MGAT5: variants seen among roughly 807,000 people sequenced by gnomAD.
The protein encoded by MGAT5 is alpha-1,6-mannosylglycoprotein 6-beta-N-acetylglucosaminyltransferase.
A neutral mutation model predicts 94.3 loss-of-function variants in MGAT5; 30 were observed. The observed-to-expected ratio is 0.32, with a 90% confidence interval of 0.24 to 0.43. MGAT5 has a LOEUF of 0.43. MGAT5 is among the 20% of genes least tolerant of loss of function. MGAT5 has a pLI of 1.00. For synonymous variants in MGAT5, 310 were observed against 322.9 expected, an observed-to-expected ratio of 0.96 and a Z score of 0.43; for missense variants, 691 against 905.5, an observed-to-expected ratio of 0.76 and a Z score of 3.04.
intron 8 of MGAT5, among the ~76,000 whole-genome samples, chr2:134,346,043 G>A (rs1432838139): frequency 6.6e-6 from 1 of 152,076 alleles, no homozygotes; most frequent in Admixed American, 6.6e-5. Context: ...AACTTGCTGC[G>A]GGCCAAGATA....
At chr2:134,393,102 A>G (rs1336576586) in intron 10 of MGAT5, among the ~76,000 whole-genome samples, 1 of 152,250 alleles carries the variant, frequency 6.6e-6, no homozygotes, top group Non-Finnish European at 1.5e-5. Context: ...CCCACGTGAG[A>G]TAATAGGGCA....
At chr2:134,169,296 T>C (rs775117306) in intron 1 of MGAT5, among the ~76,000 whole-genome samples, 1 of 151,960 alleles carries the variant, frequency 6.6e-6, no homozygotes, top group Non-Finnish European at 1.5e-5. Flanking sequence ...TCCCAGCACT[T>C]TGGGAGGCCG....
At position 134,451,004 on chromosome 2, in the gene MGAT5, G is replaced by C. The variant is rs1187182813; in HGVS notation, c.*2157G>C. 1 of 151,990 alleles carries C rather than the reference G, an allele frequency of 6.6e-6. No individual in the cohort carries two copies. Among genetic ancestry groups the C allele is most frequent in the Non-Finnish European group, 1.5e-5 (1 of 68,010 alleles). 9.4% of individuals were successfully genotyped at this position (151,990 alleles called of 1,614,324 possible). ...GACCTGCAATCCCTGGGCCAGTGCC[G>C]CCCTCTCCTGGGCTCTTCCAGGAGC... On this transcript the variant is annotated 3_prime_UTR_variant, in exon 16 of 16. Coordinates refer to ENST00000281923, the MANE Select transcript of MGAT5 (RefSeq NM_002410.5).
intron 1 of MGAT5, among the ~76,000 whole-genome samples, chr2:134,150,279 A>G (rs1687112882): frequency 6.6e-6 from 1 of 152,186 alleles, no homozygotes; most frequent in Non-Finnish European, 1.5e-5. Context: ...AGAAGGAGGA[A>G]TACTAAAAAG....
intron 13 of MGAT5, among the ~76,000 whole-genome samples, chr2:134,426,543 G>T (rs779085003): frequency 2.0e-5 from 3 of 152,114 alleles, no homozygotes; most frequent in Non-Finnish European, 2.9e-5. Flanking sequence ...AGATGACCAT[G>T]GATGTTTATT....
At position 134,236,579 on chromosome 2, in the gene MGAT5, G is replaced by A. The variant is rs560824060; in HGVS notation, c.-142-17683G>A. On this transcript the variant is annotated intron_variant, in intron 1 of 16. Transcript: ENST00000409645. ...GCTTGGCACTTCTTGCTGCCACCAT[G>A]TGAAGAAGGACATGTTTGCTTCCCC... is the stretch of plus-strand genomic sequence containing the variant. 7.9e-5 allele frequency among the ~76,000 whole-genome samples: 12 copies of A among 152,268 alleles called. No individual in the cohort carries two copies. In the South Asian group the frequency reaches 2.5e-3, roughly 32 times the overall value.
At chr2:134,385,461 A>G (rs1681914498) in intron 10 of MGAT5, among the ~76,000 whole-genome samples, 1 of 152,240 alleles carries the variant, frequency 6.6e-6, no homozygotes, top group African/African-American at 2.4e-5. Context: ...AGAAGGAAGA[A>G]TAAAAGTGTG....
chr2:134,437,033 G>A (rs1184971765), intron 14 of MGAT5, among the ~76,000 whole-genome samples: 2 of 152,238 alleles, frequency 1.3e-5, no homozygotes, highest in African/African-American at 4.8e-5. Flanking sequence ...CTGTCGCCCA[G>A]GCTGGAGAGC....
At chr2:134,444,032 C>T (rs961309263) in intron 15 of MGAT5, among the ~76,000 whole-genome samples, 1 of 152,192 alleles carries the variant, frequency 6.6e-6, no homozygotes, top group African/African-American at 2.4e-5. Context: ...ACCTCCAGGC[C>T]AGGGTCCAGG....
intron 1 of MGAT5, among the ~76,000 whole-genome samples, chr2:134,222,830 T>C (rs1680858031): frequency 6.6e-6 from 1 of 152,244 alleles, no homozygotes; most frequent in African/African-American, 2.4e-5. Context: ...TTCTTAAAAT[T>C]ATTAAGTAAA....
intron 13 of MGAT5, among the ~76,000 whole-genome samples, chr2:134,424,040 C>CA (rs1684444633): frequency 6.6e-6 from 1 of 152,208 alleles, no homozygotes; most frequent in Non-Finnish European, 1.5e-5. Context: ...AAGCAACATG[C>CA]AAACGCTCCA....
chr2:134,135,224 C>T (rs1188238811), intron 1 of MGAT5, among the ~76,000 whole-genome samples: 1 of 152,112 alleles, frequency 6.6e-6, no homozygotes, highest in African/African-American at 2.4e-5. Flanking sequence ...GGTAGGTTAT[C>T]TGAGCATTTG....
chr2:134,437,933 T>C (rs114343725), intron 14 of MGAT5, among the ~76,000 whole-genome samples: 3,205 of 150,178 alleles, frequency 0.021, 50 homozygotes, highest in Non-Finnish European at 0.035. Flanking sequence ...GAGAATCACA[T>C]GAACCTGGCA....
At chr2:134,270,173 G>A (rs868317386) in intron 1 of MGAT5, among the ~76,000 whole-genome samples, 23 of 152,330 alleles carry the variant, frequency 1.5e-4, no homozygotes, top group African/African-American at 5.3e-4. Context: ...GTTACTTATT[G>A]CCAGACTTGC....
chr2:134,270,621 A>G, intron 2 of MGAT5, 71 bp downstream of exon 2: 1 of 1,481,318 alleles, frequency 6.8e-7, no homozygotes, highest in Non-Finnish European at 9.2e-7. Flanking sequence ...AATAAAGGAG[A>G]GCAGTGGTTC....
At chr2:134,419,442 T>TTGCG (rs1553464138) in intron 12 of MGAT5, among the ~76,000 whole-genome samples, 4 of 134,136 alleles carry the variant, frequency 3.0e-5, no homozygotes, top group African/African-American at 8.5e-5. Flanking sequence ...GCTTCAGGGT[T>TTGCG]TGTGTGTGTG....
rs114597819 is a variant in MGAT5, at chr2:134,227,443, T to A, written c.-142-26819T>A. 7.8e-3 allele frequency among the ~76,000 whole-genome samples: 1,193 copies of A among 152,342 alleles called. 20 individuals carry two copies. The highest frequency in any genetic ancestry group is 0.027 in the African/African-American group (1,123 of 41,586). On this transcript the variant is annotated intron_variant, in intron 1 of 16. Transcript: ENST00000409645. ...GTAAGCTTCAGAGACTAGCTATTCC[T>A]GGCAGGTAGGACTTGACTTTTTACT...
intron 1 of MGAT5, among the ~76,000 whole-genome samples, chr2:134,208,826 T>A (rs1327686517): frequency 1.3e-5 from 2 of 152,184 alleles, no homozygotes; most frequent in Non-Finnish European, 2.9e-5. Flanking sequence ...TTCTAAAAAA[T>A]TTTGTTTTTA....
In MGAT5 at chr2:134,190,535, A is replaced by T. The variant is rs143365691; in HGVS notation, c.-142-63727A>T. ...AACCCCACAACAACAAAAATTGTGT[A>T]GACTAGCATTACTCCAAAGGACTTG... is the stretch of plus-strand genomic sequence containing the variant. On this transcript the variant is annotated intron_variant, in intron 1 of 16. Transcript: ENST00000409645. 2.0e-5 allele frequency among the ~76,000 whole-genome samples: 3 copies of T among 152,338 alleles called. No homozygotes were observed. In the South Asian group the frequency reaches 6.2e-4, roughly 32 times the overall value.
Sources: allele counts gnomAD v4.1 joint callset (sites outside exome capture counted in the v4.1 genomes callset), GRCh38; gene constraint gnomAD v4.1.1; transcripts MANE v1.5; gene names NCBI Gene and HGNC (gene_info 2026-07-23, HGNC 2026-07-21).